HERC2: variants seen among roughly 807,000 people sequenced by gnomAD.
HERC2 encodes HECT and RLD domain containing E3 ubiquitin protein ligase 2.
A neutral mutation model predicts 537.7 loss-of-function variants in HERC2; 102 were observed. The observed-to-expected ratio is 0.19, with a 90% CI of 0.16 to 0.22. HERC2 has a LOEUF of 0.22. Among genes scored for constraint, HERC2 ranks in the 10% least tolerant of loss-of-function variants. The pLI, the probability that HERC2 is intolerant of heterozygous loss-of-function variation, is 1.00. For synonymous variants in HERC2, 2,224 were observed against 2,466.2 expected (o/e 0.90, Z 2.91); for missense variants, 4,236 against 6,198.2 (o/e 0.68, Z 10.63).
intron 4 of HERC2, among the ~76,000 whole-genome samples, chr15:28,284,767 T>G (rs577155638): frequency 6.6e-6 from 1 of 151,508 alleles, no homozygotes; most frequent in South Asian, 2.1e-4. Flanking sequence ...ATACAAAAAG[T>G]AGCTAGGTGT....
chr15:28,212,446 T>A lies in HERC2; in HGVS notation c.6924A>T (p.Ala2308=), dbSNP rs1439095531. 3 of 1,610,998 alleles carry A rather than the reference T, an allele frequency of 1.9e-6. No homozygotes were observed. The South Asian group carries it at 3.3e-5, about 18-fold the overall frequency. Residue 2308 remains alanine (A), a splice_region_variant and synonymous_variant, in exon 43 of 93, where the codon GCA becomes GCT. Transcript: ENST00000261609. ...KIKKSTKQAF[A]GQVDLDLLRC... ...CATCAAGAAGCACCATGTACTGACCTGCAAAGGCCTGTTTAGTCGATTTCT... is the reference window on the plus strand; with the variant it reads ...CATCAAGAAGCACCATGTACTGACCAGCAAAGGCCTGTTTAGTCGATTTCT...
rs891842024 is a variant in HERC2, at chr15:28,179,125, G to A, written c.9019+17C>T. The A allele has an allele frequency of 6.2e-7, 1 of 1,604,746 alleles. No homozygotes were observed. Among genetic ancestry groups the A allele is most frequent in the African/African-American group, 1.3e-5 (1 of 74,134 alleles). ...CAAGCATAATTTAAAAATTTTTTAA[G>A]ATTAGAATAATCATACCTGCAAACA... On this transcript the variant is annotated intron_variant, in intron 58 of 92. Transcript: ENST00000261609.
chr15:28,304,181 A>C (rs2076714126), intron 2 of HERC2, among the ~76,000 whole-genome samples: 11 of 151,056 alleles, frequency 7.3e-5, no homozygotes, highest in Admixed American at 4.6e-4. Flanking sequence ...AAAAAAAAAA[A>C]AAAAAAAAAA....
At chr15:28,307,546 C>T (rs536513179) in intron 2 of HERC2, among the ~76,000 whole-genome samples, 1 of 152,240 alleles carries the variant, frequency 6.6e-6, no homozygotes, top group African/African-American at 2.4e-5. Flanking sequence ...GCTGTGTTGC[C>T]ATTGCCATTT....
chr15:28,140,077 A>G (rs1566934867), intron 78 of HERC2, among the ~76,000 whole-genome samples: 3 of 152,110 alleles, frequency 2.0e-5, no homozygotes, highest in East Asian at 1.9e-4. Context: ...CAAAAAAAAA[A>G]AAGAAGAAGA....
chr15:28,276,192 CAAAAAAAAAA>C (rs11359639), intron 5 of HERC2, among the ~76,000 whole-genome samples: 1 of 70,104 alleles, frequency 1.4e-5, no homozygotes, highest in East Asian at 4.9e-4. Flanking sequence ...TCTCAAAAAA[CAAAAAAAAAA>C]AAAAAAAAAA....
chr15:28,138,099 G>A (rs755980982), intron 78 of HERC2, among the ~76,000 whole-genome samples: 27 of 152,242 alleles, frequency 1.8e-4, no homozygotes, highest in Non-Finnish European at 4.0e-4. Context: ...TGAGAAGGCT[G>A]CTGAAGGAAA....
chr15:28,268,731 C>T lies in HERC2; in HGVS notation c.1447-115G>A. On this transcript the variant is annotated intron_variant, in intron 11 of 92. Transcript: ENST00000261609. This position sits in a 1 kb window ranked among gnomAD's most constrained non-coding sequence, Gnocchi z 4.7. ...AAGCCTGCTGTAACTCCAAGTGGGG[C>T]ATAAGTCTCTGGGAACTACGGGGCC... 1 of 869,696 alleles carries T rather than the reference C, an allele frequency of 1.1e-6. No homozygotes were observed. The highest frequency in any genetic ancestry group is 1.8e-6 in the Non-Finnish European group (1 of 560,248). The allele number at this position is 869,696 out of a possible 1,614,324, so 53.9% of individuals were successfully genotyped here. A position where few individuals can be genotyped will look rare whatever the true frequency, so the allele number is the denominator to read the frequency against.
At chr15:28,191,926 G>C (rs755254685) in intron 53 of HERC2, 35 bp downstream of exon 53, 5 of 1,583,794 alleles carry the variant, frequency 3.2e-6, no homozygotes, top group East Asian at 2.2e-5. Flanking sequence ...CCATCGGTGT[G>C]AAAGTGCCCG....
intron 57 of HERC2, 36 bp downstream of exon 57, chr15:28,182,365 G>T: frequency 7.3e-7 from 1 of 1,367,794 alleles, no homozygotes; most frequent in Non-Finnish European, 1.0e-6. Flanking sequence ...GCTGCCGAGT[G>T]CCCCACCCTG....
rs1441936173 is a variant in HERC2, at chr15:28,111,743, C to T, written c.*20G>A. ...TGCTGCCTGGCTCAGGCTCTCATCTCACGAGGACGTTTCCCCATCTTAGTG... is the reference window on the plus strand; with the variant it reads ...TGCTGCCTGGCTCAGGCTCTCATCTTACGAGGACGTTTCCCCATCTTAGTG... On this transcript the variant is annotated 3_prime_UTR_variant, in exon 93 of 93. Transcript: ENST00000261609. 1 of 1,610,704 alleles carries T rather than the reference C, an allele frequency of 6.2e-7. No homozygotes were observed. The highest frequency in any genetic ancestry group is 2.2e-5 in the East Asian group (1 of 44,806).
intron 70 of HERC2, among the ~76,000 whole-genome samples, chr15:28,149,003 C>A (rs143465745): frequency 7.3e-4 from 111 of 151,490 alleles, no homozygotes; most frequent in African/African-American, 2.6e-3. Context: ...GGCTCCTAAC[C>A]GAGAACATCA....
intron 23 of HERC2, among the ~76,000 whole-genome samples, chr15:28,245,318 G>A (rs1182608349): frequency 1.3e-5 from 2 of 151,918 alleles, no homozygotes; most frequent in South Asian, 2.1e-4. Context: ...AGGCAGAGGC[G>A]GGTGGATCAC....
chr15:28,224,180 A>AACAG (rs200980383), intron 35 of HERC2, among the ~76,000 whole-genome samples: 10 of 108,156 alleles, frequency 9.2e-5, no homozygotes, highest in East Asian at 2.3e-4. Flanking sequence ...GAGAGAGAGA[A>AACAG]ACAGACAGAC....
At position 28,310,451 on chromosome 15, in the gene HERC2, A is replaced by T. The variant is rs1212367548; in HGVS notation, c.72+10911T>A. ...TAGAGCAAGACCCTATCAAAAAAAA[A>T]TTTTAATTTAAATTTAAAAAATTAA... On this transcript the variant is annotated intron_variant, in intron 2 of 92. Transcript: ENST00000261609. Among the ~76,000 whole-genome samples, 976 of 152,142 alleles carry T rather than the reference A, an allele frequency of 6.4e-3. 4 individuals carry two copies. Among genetic ancestry groups the T allele is most frequent in the African/African-American group, 0.022 (903 of 41,476 alleles).
intron 78 of HERC2, among the ~76,000 whole-genome samples, chr15:28,137,194 G>C (rs369357164): frequency 6.6e-6 from 1 of 152,264 alleles, no homozygotes; most frequent in African/African-American, 2.4e-5. Flanking sequence ...AAAAGAAACA[G>C]AATTCTCCTG....
intron 55 of HERC2, among the ~76,000 whole-genome samples, chr15:28,188,518 T>G (rs1383827107): frequency 2.0e-5 from 3 of 149,964 alleles, no homozygotes; most frequent in African/African-American, 7.5e-5. Context: ...CACTCCAGCC[T>G]GGGTGACAGA....
At chr15:28,209,431 C>G (rs1898868777) in intron 44 of HERC2, among the ~76,000 whole-genome samples, 1 of 152,064 alleles carries the variant, frequency 6.6e-6, no homozygotes, top group South Asian at 2.1e-4. Context: ...GCAAGCTCTG[C>G]CTCCCGAGTT....
intron 2 of HERC2, among the ~76,000 whole-genome samples, chr15:28,313,797 T>C (rs901793614): frequency 4.3e-4 from 65 of 152,114 alleles, no homozygotes; most frequent in Admixed American, 7.9e-4. Flanking sequence ...CTAGAAGCAG[T>C]AAGATAGTGA....
Sources: gnomAD v4.1 joint callset for allele counts (sites outside exome capture counted in the v4.1 genomes callset) on GRCh38, gnomAD v4.1.1 for gene constraint, Gnocchi (gnomAD v3.1) non-coding constraint, MANE v1.5 for transcripts, NCBI Gene and HGNC (gene_info 2026-07-23, HGNC 2026-07-21) for gene names.